The following PARN variants were observed in gnomAD, a reference collection of about 807,000 sequenced individuals.
PARN encodes poly(A)-specific ribonuclease.
Under a neutral mutation model 102.8 loss-of-function variants are expected in PARN, and 71 were observed. The ratio of observed to expected loss-of-function variants is 0.69; its 90% CI spans 0.57 to 0.84. The LOEUF (loss-of-function observed/expected upper bound fraction) is 0.84. Ranked by LOEUF, PARN falls within the 40% of genes least tolerant of loss-of-function variation. The pLI, the probability that PARN is intolerant of heterozygous loss-of-function variation, is 0.00. For synonymous variants in PARN, 261 were observed against 252.9 expected, an observed-to-expected ratio of 1.03 and a Z score of -0.30; for missense variants, 782 against 760.9, an observed-to-expected ratio of 1.03 and a Z score of -0.33.
At chr16:14,514,640 C>T (rs2151642027) in intron 21 of PARN, among the ~76,000 whole-genome samples, 1 of 152,332 alleles carries the variant, frequency 6.6e-6, no homozygotes, top group Non-Finnish European at 1.5e-5. Context: ...AAATACCATA[C>T]TTAAAATATG....
At chr16:14,569,284 T>C (rs1349303576) in intron 18 of PARN, among the ~76,000 whole-genome samples, 1 of 152,166 alleles carries the variant, frequency 6.6e-6, no homozygotes, top group African/African-American at 2.4e-5. Flanking sequence ...TTTCCATTAT[T>C]TTCTTCAAGT....
chr16:14,617,430 T>C (rs1285993216), intron 6 of PARN, among the ~76,000 whole-genome samples, 160 bp downstream of exon 6: 1 of 151,382 alleles, frequency 6.6e-6, no homozygotes, highest in Admixed American at 6.6e-5. Context: ...TTTTAAAAAT[T>C]CTAAGGCTGC....
intron 9 of PARN, among the ~76,000 whole-genome samples, chr16:14,607,368 C>T (rs1008375957): frequency 2.2e-4 from 33 of 152,038 alleles, no homozygotes; most frequent in East Asian, 5.8e-4. Context: ...CCACCATGTC[C>T]GGCTAAATTT....
chr16:14,507,410 G>T (rs1265630952), intron 21 of PARN, among the ~76,000 whole-genome samples: 1 of 149,368 alleles, frequency 6.7e-6, no homozygotes, highest in African/African-American at 2.5e-5. Context: ...CAGAGGCCAA[G>T]TGAAGGCCAG....
intron 18 of PARN, among the ~76,000 whole-genome samples, chr16:14,574,991 C>T (rs929962480): frequency 2.0e-5 from 3 of 152,150 alleles, no homozygotes; most frequent in Non-Finnish European, 4.4e-5. Context: ...AAGCCCTAGG[C>T]CTTGGCAACT....
Position 14,584,757 on chromosome 16 carries a change from G to A in PARN, c.997C>T (p.Pro333Ser), listed in dbSNP as rs1969741321. 6.4e-7 allele frequency: 1 copy of A among 1,571,588 alleles called. No homozygotes were observed. Among genetic ancestry groups the A allele is most frequent in the Non-Finnish European group, 8.6e-7 (1 of 1,163,502 alleles). ...LDTKLMASTQPFKDIINNTSL... is the reference protein window; with the variant it reads ...LDTKLMASTQSFKDIINNTSL... ...TAGCAAATGAATAATACCTTAAAAGGTTGTGTGCTGGCCATCAATTTAGTA... is the reference window on the plus strand; with the variant it reads ...TAGCAAATGAATAATACCTTAAAAGATTGTGTGCTGGCCATCAATTTAGTA... Residue 333 changes from proline (P) to serine (S), a missense_variant, in exon 15 of 24, where the codon CCT becomes TCT. Physicochemically the swap from Pro to Ser is moderately conservative, Grantham distance 74. Transcript: ENST00000437198.
In PARN at chr16:14,582,286, C is replaced by T; in HGVS notation, c.1087G>A (p.Ala363Thr). The change falls in exon 17 of 24, where the codon GCC becomes ACC. Residue 363 changes from alanine to threonine, a missense_variant. By Grantham distance (58) the Ala-to-Thr change is moderately conservative (BLOSUM62 0). Transcript: ENST00000437198. ...TPFNPPKVES[A>T]EGFPSYDTAS... is the part of the protein sequence containing the mutation. ...GTGTCATAACTTGGAAAACCTTCGG[C>T]ACTTTCTAAGAAAAAAAAGGAAAAA... is the stretch of plus-strand genomic sequence containing the variant. 6.2e-7 allele frequency: 1 copy of T among 1,611,190 alleles called. No homozygotes were observed. The highest frequency in any genetic ancestry group is 1.1e-5 in the South Asian group (1 of 91,000).
intron 18 of PARN, among the ~76,000 whole-genome samples, chr16:14,575,132 T>G (rs1033105626): frequency 7.2e-5 from 11 of 152,142 alleles, no homozygotes; most frequent in Admixed American, 2.0e-4. Context: ...GGTGGGGCCC[T>G]CATGGAGAAC....
chr16:14,518,706 C>A (rs924828186), intron 21 of PARN, among the ~76,000 whole-genome samples: 1 of 152,054 alleles, frequency 6.6e-6, no homozygotes, highest in Non-Finnish European at 1.5e-5. Context: ...GGGGAGAGAA[C>A]AGGATGGAGG....
At chr16:14,511,660 G>A (rs982673651) in intron 21 of PARN, among the ~76,000 whole-genome samples, 5 of 152,038 alleles carry the variant, frequency 3.3e-5, no homozygotes, top group African/African-American at 4.8e-5. Context: ...ATGTATACCC[G>A]AAAGGTTAAA....
chr16:14,596,393 T>C (rs1056717127), intron 12 of PARN, among the ~76,000 whole-genome samples: 2 of 151,640 alleles, frequency 1.3e-5, no homozygotes, highest in African/African-American at 4.9e-5. Flanking sequence ...ATACTAATAA[T>C]TAAAAAAAAT....
At chr16:14,555,858 A>C (rs533202316) in intron 18 of PARN, 149 bp from the exon 19 acceptor site, 139 of 473,144 alleles carry the variant, frequency 2.9e-4, no homozygotes, top group Middle Eastern at 1.6e-3. Context: ...CTATTTGTAA[A>C]ATTATTTCTA....
chr16:14,620,678 A>C (rs1280304676), intron 5 of PARN, among the ~76,000 whole-genome samples: 1 of 152,206 alleles, frequency 6.6e-6, no homozygotes, highest in East Asian at 1.9e-4. Context: ...ATTGAAGATC[A>C]GGTTTTCTAC....
chr16:14,513,813 G>A (rs575649793), intron 21 of PARN, among the ~76,000 whole-genome samples: 3 of 152,236 alleles, frequency 2.0e-5, no homozygotes, highest in East Asian at 3.9e-4. Context: ...CCTGACTGCC[G>A]CAGACGAGGT....
At chr16:14,567,434 A>C (rs1204316619) in intron 18 of PARN, among the ~76,000 whole-genome samples, 1 of 152,154 alleles carries the variant, frequency 6.6e-6, no homozygotes, top group African/African-American at 2.4e-5. Flanking sequence ...TAATATCAAC[A>C]ATCATACCAC....
intron 17 of PARN, among the ~76,000 whole-genome samples, chr16:14,581,896 C>T (rs1175249610): frequency 1.3e-5 from 2 of 152,106 alleles, no homozygotes; most frequent in African/African-American, 4.8e-5. Flanking sequence ...AGAGTGAGAC[C>T]CTGACTCTTA....
chr16:14,463,655 T>C (rs1017617826), intron 22 of PARN, among the ~76,000 whole-genome samples: 5 of 151,780 alleles, frequency 3.3e-5, no homozygotes, highest in South Asian at 2.1e-4. Context: ...ATAGTAACTA[T>C]CCAAAATAAA....
intron 21 of PARN, among the ~76,000 whole-genome samples, chr16:14,532,116 A>C (rs1295640979): frequency 6.6e-6 from 1 of 152,058 alleles, no homozygotes; most frequent in Non-Finnish European, 1.5e-5. Flanking sequence ...AAGAATAAAT[A>C]AATCCCCCCA....
At chr16:14,501,457 A>AAAAAAAG (rs1442212254) in intron 21 of PARN, 1 of 143,696 alleles carries the variant, frequency 7.0e-6, no homozygotes, top group Admixed American at 7.1e-5. Context: ...AAAAAAAAAA[A>AAAAAAAG]AAACAGAAAG....
Sources: gnomAD v4.1 joint callset for allele counts (sites outside exome capture counted in the v4.1 genomes callset) on GRCh38, gnomAD v4.1.1 for gene constraint, MANE v1.5 for transcripts, NCBI Gene and HGNC (gene_info 2026-07-23, HGNC 2026-07-21) for gene names.